SNRPN: variants seen among roughly 807,000 people sequenced by gnomAD.
SNRPN encodes the protein small nuclear ribonucleoprotein-associated protein N.
A neutral mutation model predicts 25.2 loss-of-function variants in SNRPN; 7 were observed. The ratio of observed to expected loss-of-function variants is 0.28; its 90% CI spans 0.16 to 0.52. The LOEUF is 0.52. Ranked by LOEUF, SNRPN falls within the 20% of genes least tolerant of loss-of-function variation. The probability of loss-of-function intolerance (pLI) is 0.96; values close to 1 mark genes in which losing one functional copy is unlikely to be tolerated. For synonymous variants in SNRPN, 124 were observed against 110.6 expected (o/e 1.12, Z -0.76); for missense variants, 196 against 322.5 (o/e 0.61, Z 3.00).
rs536504417 is a variant in SNRPN at position 24,961,157 on chromosome 15, T to G, written c.-390-957T>G. Among the ~76,000 whole-genome samples the G allele has an allele frequency of 4.4e-3, 673 of 152,324 alleles. 2 individuals are homozygous for G. Among genetic ancestry groups the G allele is most frequent in the African/African-American group, 0.016 (652 of 41,576 alleles). On this transcript the variant is annotated intron_variant, in intron 1 of 9. Coordinates refer to ENST00000390687, the MANE Select transcript of SNRPN (RefSeq NM_003097.6). The stretch of plus-strand genomic sequence containing the variant: ...TAATAGACCATTGTGTAATCAAAAG[T>G]AATAAACATTATCAGTGTATAAAAT...
intron 1 of SNRPN, among the ~76,000 whole-genome samples, chr15:24,870,049 G>GC (rs2054943163): frequency 6.6e-6 from 1 of 152,116 alleles, no homozygotes; most frequent in Non-Finnish European, 1.5e-5. Flanking sequence ...AGGTCTCTCA[G>GC]TTGGCTCCCA....
upstream of SNRPN, among the ~76,000 whole-genome samples, chr15:24,951,833 C>T (rs2153223568): frequency 6.6e-6 from 1 of 152,280 alleles, no homozygotes; most frequent in South Asian, 2.1e-4. Context: ...TTTATACATT[C>T]TGGATACTAC....
intron 3 of SNRPN, among the ~76,000 whole-genome samples, chr15:24,972,108 T>C (rs1309635471): frequency 1.3e-5 from 2 of 151,834 alleles, no homozygotes; most frequent in African/African-American, 2.4e-5. Flanking sequence ...ATACAAAAAT[T>C]AGCCGGGTGT....
chr15:24,843,664 A>G (rs2051899012), intron 2 of SNRPN, among the ~76,000 whole-genome samples: 1 of 152,050 alleles, frequency 6.6e-6, no homozygotes, highest in South Asian at 2.1e-4. Context: ...GTGCATGCCT[A>G]TAATCCCAGC....
chr15:24,854,660 T>G (rs1188229590), upstream of SNRPN, among the ~76,000 whole-genome samples: 1 of 152,220 alleles, frequency 6.6e-6, no homozygotes, highest in Non-Finnish European at 1.5e-5. Context: ...GTTGTACTTT[T>G]GTTATTTCTA....
intron 1 of SNRPN, among the ~76,000 whole-genome samples, chr15:24,878,365 C>T (rs892949391): frequency 2.0e-5 from 3 of 151,664 alleles, no homozygotes; most frequent in Non-Finnish European, 4.4e-5. Context: ...CAGTGCGCTA[C>T]GGGAAGGTCA....
intron 2 of SNRPN, among the ~76,000 whole-genome samples, chr15:24,907,388 G>A (rs1220636644): frequency 6.6e-6 from 1 of 151,956 alleles, no homozygotes; most frequent in Non-Finnish European, 1.5e-5. Flanking sequence ...ACAAGGTCAG[G>A]AGATCGAGAC....
intron 2 of SNRPN, among the ~76,000 whole-genome samples, chr15:24,889,600 C>T (rs900956377): frequency 3.9e-5 from 6 of 152,082 alleles, no homozygotes; most frequent in South Asian, 2.1e-4. Context: ...CCACCGTGCC[C>T]GGCCCTAACA....
At chr15:24,867,494 C>A (rs2148434405) in intron 1 of SNRPN, among the ~76,000 whole-genome samples, 1 of 152,090 alleles carries the variant, frequency 6.6e-6, no homozygotes, top group South Asian at 2.1e-4. Context: ...CCTGCCTCAG[C>A]CTCCCGAGTA....
chr15:24,882,617 G>T (rs1011597213), intron 1 of SNRPN, among the ~76,000 whole-genome samples: 9 of 151,958 alleles, frequency 5.9e-5, no homozygotes, highest in Non-Finnish European at 1.2e-4. Flanking sequence ...ATGAGGTCAG[G>T]AGTTCGAGAC....
At chr15:24,915,366 T>A (rs1476296330) in intron 2 of SNRPN, among the ~76,000 whole-genome samples, 1 of 152,134 alleles carries the variant, frequency 6.6e-6, no homozygotes, top group Non-Finnish European at 1.5e-5. Context: ...GACATCGTGA[T>A]CTGCCCGCTT....
chr15:24,859,441 C>G (rs2053777090), intron 1 of SNRPN, among the ~76,000 whole-genome samples: 1 of 152,132 alleles, frequency 6.6e-6, no homozygotes, highest in Admixed American at 6.5e-5. Flanking sequence ...GTCCCTGAGA[C>G]TCACTAGCAA....
intron 2 of SNRPN, among the ~76,000 whole-genome samples, chr15:24,890,881 G>A (rs1020005567): frequency 2.0e-5 from 3 of 152,110 alleles, no homozygotes; most frequent in Non-Finnish European, 2.9e-5. Flanking sequence ...AACATGTGGA[G>A]AAATAGATAA....
At position 24,918,435 on chromosome 15, in the gene SNRPN, T is replaced by C. The variant is rs958381106; in HGVS notation, c.-504-1576T>C. On this transcript the variant is annotated intron_variant, in intron 2 of 11. Coordinates refer to the SNRPN transcript ENST00000400097. The stretch of plus-strand genomic sequence containing the variant: ...ATATATATGTGTATATATAACATAA[T>C]ATATATGTGTATATATATAACATAA... Among the ~76,000 whole-genome samples, 25 of 124,978 alleles carry C rather than the reference T, an allele frequency of 2.0e-4. 1 individual carries two copies. Among genetic ancestry groups the C allele is most frequent in the Non-Finnish European group, 3.3e-4 (20 of 61,324 alleles). The allele number at this position is 124,978 out of a possible 152,430, so 82.0% of individuals were successfully genotyped here.
intron 1 of SNRPN, among the ~76,000 whole-genome samples, chr15:24,863,036 C>T (rs1443019420): frequency 1.3e-5 from 2 of 150,768 alleles, no homozygotes; most frequent in African/African-American, 2.5e-5. Flanking sequence ...AGTTCGAATG[C>T]CTTTTCTTCT....
intron 1 of SNRPN, among the ~76,000 whole-genome samples, chr15:24,866,931 C>G (rs986720914): frequency 6.6e-6 from 1 of 151,974 alleles, no homozygotes; most frequent in Admixed American, 6.6e-5. Context: ...TATCTGTCAA[C>G]GGACACATAG....
intron 3 of SNRPN, among the ~76,000 whole-genome samples, chr15:24,936,063 C>T (rs930103515): frequency 4.0e-5 from 6 of 151,566 alleles, no homozygotes; most frequent in South Asian, 2.1e-4. Flanking sequence ...TGTGGTAAGC[C>T]GAGATCATGC....
intron 3 of SNRPN, among the ~76,000 whole-genome samples, chr15:24,920,282 T>C (rs1348227245): frequency 6.6e-6 from 1 of 152,198 alleles, no homozygotes; most frequent in African/African-American, 2.4e-5. Flanking sequence ...TTCATTTTAA[T>C]TACGATTTAA....
At chr15:24,839,583 G>T (rs1263127997) in intron 2 of SNRPN, among the ~76,000 whole-genome samples, 1 of 152,110 alleles carries the variant, frequency 6.6e-6, no homozygotes, top group African/African-American at 2.4e-5. Flanking sequence ...CCTGGTGGTA[G>T]GGGTGGCCTG....
Sources: allele counts gnomAD v4.1 joint callset (sites outside exome capture counted in the v4.1 genomes callset), GRCh38; gene constraint gnomAD v4.1.1; transcripts MANE v1.5; gene names NCBI Gene and HGNC (gene_info 2026-07-23, HGNC 2026-07-21).